The following SYT1 variants were observed in gnomAD, a reference collection of about 807,000 sequenced individuals.
The protein encoded by SYT1 is synaptotagmin 1.
In SYT1, 8 loss-of-function variants were observed where a neutral mutation model predicts 44.8. The observed-to-expected ratio is 0.18, with a 90% CI of 0.10 to 0.32. The LOEUF is 0.32. Ranked by LOEUF, SYT1 falls within the 10% of genes least tolerant of loss-of-function variation. The probability of loss-of-function intolerance (pLI) is 1.00; values close to 1 mark genes in which losing one functional copy is unlikely to be tolerated. For missense variants in SYT1, 286 were observed against 509.3 expected (o/e 0.56, Z 4.22); for synonymous variants, 154 against 188.8 (o/e 0.82, Z 1.51).
intron 8 of SYT1, among the ~76,000 whole-genome samples, chr12:79,307,584 G>A (rs549449290): frequency 5.3e-5 from 8 of 149,570 alleles, no homozygotes; most frequent in South Asian, 4.3e-4. Flanking sequence ...GGCCCTGGGC[G>A]TTGGGCGAGC....
intron 1 of SYT1, among the ~76,000 whole-genome samples, chr12:78,941,411 A>G (rs1014909194): frequency 8.3e-6 from 1 of 120,382 alleles, no homozygotes; most frequent in Non-Finnish European, 2.1e-5. Flanking sequence ...ACACACACAC[A>G]CACACACACA....
intron 1 of SYT1, among the ~76,000 whole-genome samples, chr12:78,871,836 G>A (rs981998474): frequency 6.6e-6 from 1 of 151,510 alleles, no homozygotes; most frequent in African/African-American, 2.4e-5. Flanking sequence ...GAACTATTGG[G>A]CATTAGAGCA....
rs567139364 is a variant in SYT1 at position 78,998,512 on chromosome 12, A to G, written c.-84+20581A>G. ...CCAGCACCTAGCATAGGGCCTGCAC[A>G]TGGAGGCGCTGGACTGAGTAAGATT... On this transcript the variant is annotated intron_variant, in intron 2 of 10. Coordinates refer to ENST00000261205, the MANE Select transcript of SYT1 (RefSeq NM_005639.3). Among the ~76,000 whole-genome samples, 5 of 152,318 alleles carry G rather than the reference A, an allele frequency of 3.3e-5. No homozygotes were observed. The South Asian group carries it at 8.3e-4, about 25-fold the overall frequency.
At chr12:79,185,473 A>G (rs2138428392) in intron 3 of SYT1, among the ~76,000 whole-genome samples, 1 of 152,140 alleles carries the variant, frequency 6.6e-6, no homozygotes, top group Non-Finnish European at 1.5e-5. Flanking sequence ...TCTCCAGAGT[A>G]CACAGATAAT....
intron 3 of SYT1, among the ~76,000 whole-genome samples, chr12:79,204,736 A>G (rs1451975743): frequency 6.6e-6 from 1 of 151,066 alleles, no homozygotes; most frequent in Non-Finnish European, 1.5e-5. Flanking sequence ...TCTATCAAAA[A>G]TAAATTAAAA....
intron 3 of SYT1, among the ~76,000 whole-genome samples, chr12:79,122,235 C>T (rs1160906667): frequency 6.6e-6 from 1 of 152,052 alleles, no homozygotes; most frequent in Non-Finnish European, 1.5e-5. Flanking sequence ...ATATTTCAGG[C>T]CGGGCGCGGT....
At chr12:79,152,876 TAA>T (rs11334533) in intron 3 of SYT1, among the ~76,000 whole-genome samples, 1,579 of 123,874 alleles carry the variant, frequency 0.013, 27 homozygotes, top group African/African-American at 0.043. Context: ...AAGAAAAATG[TAA>T]AAAAAAAAAA....
At chr12:79,427,654 C>T (rs111822980) in intron 9 of SYT1, among the ~76,000 whole-genome samples, 2 of 151,946 alleles carry the variant, frequency 1.3e-5, no homozygotes, top group Non-Finnish European at 1.5e-5. Flanking sequence ...AAGGAGTTTC[C>T]GTGAATAAAT....
At chr12:78,915,356 G>T (rs905897181) in intron 1 of SYT1, among the ~76,000 whole-genome samples, 5 of 151,978 alleles carry the variant, frequency 3.3e-5, no homozygotes, top group African/African-American at 1.2e-4. Context: ...CCTGCAGAGT[G>T]ATTTTGATGC....
intron 4 of SYT1, among the ~76,000 whole-genome samples, chr12:79,279,852 T>C (rs1039575244): frequency 6.6e-6 from 1 of 151,938 alleles, no homozygotes; most frequent in Admixed American, 6.6e-5. Flanking sequence ...CCAATAATGA[T>C]CAAGCTGAGA....
intron 4 of SYT1, among the ~76,000 whole-genome samples, chr12:79,221,817 T>C (rs528853070): frequency 3.1e-4 from 47 of 152,306 alleles, no homozygotes; most frequent in Non-Finnish European, 1.6e-4. Flanking sequence ...CATACTGAAT[T>C]TATAAGTAAA....
At chr12:79,193,482 T>TA (rs1873252584) in intron 3 of SYT1, among the ~76,000 whole-genome samples, 1 of 152,176 alleles carries the variant, frequency 6.6e-6, no homozygotes, top group African/African-American at 2.4e-5. Flanking sequence ...TTAATAGAGT[T>TA]AAAATTCAGG....
intron 9 of SYT1, among the ~76,000 whole-genome samples, chr12:79,434,820 C>A (rs1252757257): frequency 6.6e-6 from 1 of 151,950 alleles, no homozygotes; most frequent in Non-Finnish European, 1.5e-5. Context: ...TGGTTGGTTG[C>A]CGCCCACCTT....
chr12:79,440,506 T>C (rs1870351006), intron 9 of SYT1, among the ~76,000 whole-genome samples: 1 of 152,220 alleles, frequency 6.6e-6, no homozygotes, highest in South Asian at 2.1e-4. Context: ...AGGTTTCCTA[T>C]GCTATTTACA....
chr12:79,012,630 C>G (rs921301631), intron 2 of SYT1, among the ~76,000 whole-genome samples: 1 of 152,112 alleles, frequency 6.6e-6, no homozygotes, highest in Admixed American at 6.6e-5. Flanking sequence ...TATAGCTCTT[C>G]CTTTCAAAAA....
At chr12:79,152,279 A>G (rs1416892229) in intron 3 of SYT1, among the ~76,000 whole-genome samples, 2 of 152,182 alleles carry the variant, frequency 1.3e-5, no homozygotes, top group African/African-American at 4.8e-5. Context: ...ACAGAATTTG[A>G]TCAGGAGGAG....
At chr12:79,223,422 C>T (rs1363089926) in intron 4 of SYT1, among the ~76,000 whole-genome samples, 4 of 152,098 alleles carry the variant, frequency 2.6e-5, no homozygotes, top group Non-Finnish European at 5.9e-5. Flanking sequence ...CACTAAGGTG[C>T]TCTAACAGCT....
intron 9 of SYT1, among the ~76,000 whole-genome samples, chr12:79,370,722 C>A (rs1883751855): frequency 6.6e-6 from 1 of 151,856 alleles, no homozygotes; most frequent in Non-Finnish European, 1.5e-5. Flanking sequence ...GAGATCGCGC[C>A]ACTGCACTCC....
chr12:79,347,351 C>A (rs1882655339), intron 8 of SYT1, among the ~76,000 whole-genome samples: 1 of 152,100 alleles, frequency 6.6e-6, no homozygotes, highest in Non-Finnish European at 1.5e-5. Context: ...AGGAGCAGCC[C>A]ACATCCAATG....
Sources: gnomAD v4.1 joint callset for allele counts (sites outside exome capture counted in the v4.1 genomes callset) on GRCh38, gnomAD v4.1.1 for gene constraint, MANE v1.5 for transcripts, NCBI Gene and HGNC (gene_info 2026-07-23, HGNC 2026-07-21) for gene names.